Variants in CNTNAP2 observed in about 807,000 individuals in gnomAD.
CNTNAP2 encodes contactin associated protein 2, also known as contactin-associated protein-like 2.
Under a neutral mutation model 155.2 loss-of-function variants are expected in CNTNAP2, and 98 were observed. The observed-to-expected ratio is 0.63, with a 90% CI of 0.54 to 0.75. The LOEUF (loss-of-function observed/expected upper bound fraction) is 0.75, where lower values mean the gene tolerates loss of function less well. Among genes scored for constraint, CNTNAP2 ranks in the 30% least tolerant of loss-of-function variants. The pLI is 0.00. For synonymous variants in CNTNAP2, 651 were observed against 631.2 expected (o/e 1.03, Z -0.47); for missense variants, 1,727 against 1,688.1 (o/e 1.02, Z -0.40).
At chr7:146,616,379 A>G (rs1799224263) in intron 1 of CNTNAP2, among the ~76,000 whole-genome samples, 1 of 152,176 alleles carries the variant, frequency 6.6e-6, no homozygotes, top group African/African-American at 2.4e-5. Flanking sequence ...AAAAATATTT[A>G]TTTGTTCAGG....
At position 148,295,693 on chromosome 7, in the gene CNTNAP2, G is replaced by A. The variant is rs373990142; in HGVS notation, c.3475+28567G>A. 5.9e-5 allele frequency among the ~76,000 whole-genome samples: 9 copies of A among 151,320 alleles called. No homozygotes were observed. In the South Asian group the frequency reaches 1.3e-3, roughly 21 times the overall value. On this transcript the variant is annotated intron_variant, in intron 21 of 23. Transcript: ENST00000361727. ...TTTTTAGTAGAGACAGGGTTTCACC[G>A]TGTTAGCCAGGATGGTCTCCATCTC...
chr7:147,920,246 C>T (rs1319659369), intron 14 of CNTNAP2, among the ~76,000 whole-genome samples: 1 of 150,292 alleles, frequency 6.7e-6, no homozygotes, highest in Non-Finnish European at 1.5e-5. Flanking sequence ...ATCCCAGCCA[C>T]TCAGGAGACT....
At chr7:147,162,667 A>G (rs540610946) in intron 8 of CNTNAP2, among the ~76,000 whole-genome samples, 1 of 152,190 alleles carries the variant, frequency 6.6e-6, no homozygotes, top group Non-Finnish European at 1.5e-5. Flanking sequence ...CTGTTGTAGT[A>G]GTTAACCAGC....
intron 11 of CNTNAP2, among the ~76,000 whole-genome samples, chr7:147,527,019 T>TC (rs1325781805): frequency 2.4e-4 from 21 of 89,158 alleles, no homozygotes; most frequent in East Asian, 8.4e-4. Flanking sequence ...GCATTTCTTT[T>TC]TTTTTTTTTT....
At position 147,883,857 on chromosome 7, in the gene CNTNAP2, G is replaced by T. The variant is rs559053353; in HGVS notation, c.2099-19708G>T. Among the ~76,000 whole-genome samples the T allele has an allele frequency of 1.9e-3, 296 of 152,248 alleles. 3 individuals are homozygous for T. In the South Asian group the frequency reaches 0.029, roughly 15 times the overall value. ...TTATTAACCACCTAACTATGGACAG[G>T]TGCTATTTATCAGAAACCAAAACAA... On this transcript the variant is annotated intron_variant, in intron 13 of 23. Coordinates refer to ENST00000361727, the MANE Select transcript of CNTNAP2 (RefSeq NM_014141.6).
chr7:148,306,073 T>C (rs1419456892), intron 21 of CNTNAP2, among the ~76,000 whole-genome samples: 1 of 152,240 alleles, frequency 6.6e-6, no homozygotes, highest in African/African-American at 2.4e-5. Flanking sequence ...TTCTCCCTCA[T>C]GCTTAATTGA....
intron 3 of CNTNAP2, among the ~76,000 whole-genome samples, chr7:146,966,457 C>T (rs1017742912): frequency 2.0e-5 from 3 of 152,226 alleles, no homozygotes; most frequent in African/African-American, 7.2e-5. Flanking sequence ...CCGCCTTTGA[C>T]GTAGGCCTTA....
intron 1 of CNTNAP2, among the ~76,000 whole-genome samples, chr7:146,525,863 A>G (rs372872539): frequency 1.3e-5 from 2 of 152,074 alleles, no homozygotes; most frequent in Non-Finnish European, 2.9e-5. Flanking sequence ...GCTCTCACCC[A>G]TGATAATGTT....
At chr7:148,203,870 G>A (rs4382390) in intron 18 of CNTNAP2, among the ~76,000 whole-genome samples, 71,288 of 151,964 alleles carry the variant, frequency 0.47, 17,423 homozygotes, top group East Asian at 0.68. Context: ...AATATGCAGG[G>A]TTAGTGGAGA....
intron 11 of CNTNAP2, among the ~76,000 whole-genome samples, chr7:147,550,494 A>C (rs2116763597): frequency 6.6e-6 from 1 of 152,330 alleles, no homozygotes; most frequent in African/African-American, 2.4e-5. Flanking sequence ...GCTATGTGGA[A>C]CTGGGAGTCC....
chr7:146,182,966 G>A (rs767279746), intron 1 of CNTNAP2, among the ~76,000 whole-genome samples: 4 of 151,952 alleles, frequency 2.6e-5, no homozygotes, highest in South Asian at 2.1e-4. Context: ...GTCATTGTTC[G>A]TATTTCTTGT....
At chr7:147,810,205 T>C (rs1205454790) in intron 13 of CNTNAP2, among the ~76,000 whole-genome samples, 1 of 150,714 alleles carries the variant, frequency 6.6e-6, no homozygotes, top group Non-Finnish European at 1.5e-5. Flanking sequence ...ATATAATTGA[T>C]ATATATCATA....
chr7:147,582,866 C>G (rs890647538), intron 12 of CNTNAP2, among the ~76,000 whole-genome samples: 1 of 152,092 alleles, frequency 6.6e-6, no homozygotes, highest in Non-Finnish European at 1.5e-5. Flanking sequence ...TTATGCAAAA[C>G]AATGTTCACA....
At position 147,743,326 on chromosome 7, in the gene CNTNAP2, G is replaced by C. The variant is rs180805837; in HGVS notation, c.2098+104020G>C. ...GGAAATAGGTGGCTATCACTGAGTG[G>C]AATTAAGATCCCTAAGTAAGTGAAT... is the stretch of plus-strand genomic sequence containing the variant. On this transcript the variant is annotated intron_variant, in intron 13 of 23. Coordinates refer to ENST00000361727, the MANE Select transcript of CNTNAP2 (RefSeq NM_014141.6). 1.5e-3 allele frequency among the ~76,000 whole-genome samples: 226 copies of C among 152,258 alleles called. 1 individual carries two copies. Among genetic ancestry groups the C allele is most frequent in the African/African-American group, 5.1e-3 (212 of 41,548 alleles).
intron 13 of CNTNAP2, among the ~76,000 whole-genome samples, chr7:147,728,364 G>A (rs1584923280): frequency 6.6e-6 from 1 of 152,086 alleles, no homozygotes; most frequent in African/African-American, 2.4e-5. Flanking sequence ...GCAAGGAAAT[G>A]TGTGTCATAT....
intron 13 of CNTNAP2, among the ~76,000 whole-genome samples, chr7:147,752,120 T>A (rs988707469): frequency 6.6e-6 from 1 of 152,254 alleles, no homozygotes; most frequent in Non-Finnish European, 1.5e-5. Flanking sequence ...ATGAGTCTAA[T>A]GAACACCAGA....
intron 3 of CNTNAP2, among the ~76,000 whole-genome samples, chr7:146,885,689 A>G (rs1795642277): frequency 6.6e-6 from 1 of 152,156 alleles, no homozygotes; most frequent in African/African-American, 2.4e-5. Context: ...TTAGTTGGAC[A>G]TGGATTGAAA....
At chr7:146,377,003 A>G (rs1333370941) in intron 1 of CNTNAP2, among the ~76,000 whole-genome samples, 1 of 152,190 alleles carries the variant, frequency 6.6e-6, no homozygotes, top group African/African-American at 2.4e-5. Context: ...CTCAGCCTCC[A>G]GAAATGTGAG....
chr7:147,365,383 GA>G (rs10557373), intron 9 of CNTNAP2, among the ~76,000 whole-genome samples: 17,994 of 91,888 alleles, frequency 0.2, 245 homozygotes, highest in East Asian at 0.31. Flanking sequence ...ATCTCAAAAA[GA>G]AAAAAAAAAA....
Sources: gnomAD v4.1 joint callset for allele counts (sites outside exome capture counted in the v4.1 genomes callset) on GRCh38, gnomAD v4.1.1 for gene constraint, MANE v1.5 for transcripts, NCBI Gene and HGNC (gene_info 2026-07-23, HGNC 2026-07-21) for gene names.